CLUH: variants seen among roughly 807,000 people sequenced by gnomAD.
The protein encoded by CLUH is clustered mitochondria protein homolog.
A neutral mutation model predicts 139.3 loss-of-function variants in CLUH; 77 were observed. The observed-to-expected ratio is 0.55, with a 90% CI of 0.46 to 0.67. The LOEUF (loss-of-function observed/expected upper bound fraction) is 0.67, where lower values mean the gene tolerates loss of function less well. Among genes scored for constraint, CLUH ranks in the 30% least tolerant of loss-of-function variants. The probability of loss-of-function intolerance (pLI) is 0.00; values close to 1 mark genes in which losing one functional copy is unlikely to be tolerated. For missense variants in CLUH, 1,876 were observed against 1,875.8 expected (o/e 1.00, Z 0.00); for synonymous variants, 999 against 801.6 (o/e 1.25, Z -4.16).
chr17:2,691,933 CCCCGCGG>C, intron 23 of CLUH, 38 bp from the exon 24 acceptor site: 1 of 1,129,850 alleles, frequency 8.9e-7, no homozygotes, highest in South Asian at 2.5e-5. Flanking sequence ...CCCCCCGTGC[CCCCGCGG>C]CCCCGCCCCC....
At chr17:2,696,661 T>A in intron 11 of CLUH, 58 bp downstream of exon 11, 1 of 1,590,094 alleles carries the variant, frequency 6.3e-7, no homozygotes, top group Non-Finnish European at 8.6e-7. Flanking sequence ...GTGGGGGTCA[T>A]AAGCCACCCT....
At position 2,707,946 on chromosome 17, in the gene CLUH, C is replaced by G; in HGVS notation, c.101-3382G>C. 1.0e-6 allele frequency: 1 copy of G among 985,444 alleles called. No homozygotes were observed. The highest frequency in any genetic ancestry group is 1.2e-6 in the Non-Finnish European group (1 of 829,930). 61.0% of individuals were successfully genotyped at this position (985,444 alleles called of 1,614,324 possible). Reference sequence around the variant, plus strand: ...ACAACTGCACCCGTGCCCCTGGCCTCCAGGCTCCATCAAGAAGCTGGCAGG... The same window carrying G: ...ACAACTGCACCCGTGCCCCTGGCCTGCAGGCTCCATCAAGAAGCTGGCAGG... On this transcript the variant is annotated intron_variant, in intron 1 of 25. Transcript: ENST00000651024. This position sits in a 1 kb window ranked among gnomAD's most constrained non-coding sequence, Gnocchi z 7.4.
intron 1 of CLUH, among the ~76,000 whole-genome samples, chr17:2,709,794 C>T (rs1206914131): frequency 1.3e-5 from 2 of 152,046 alleles, no homozygotes; most frequent in African/African-American, 4.8e-5. Flanking sequence ...TTCATTAAGG[C>T]TCCTTCCTTC....
rs2069881458 is a variant in CLUH, at chr17:2,695,024, C to T, written c.2685G>A (p.Val895=). The part of the protein sequence containing the change: ...NCFLSSYPNP[V]AHLPADELVS... ...CCAGCTCGTCGGCGGGCAGGTGGGCCACGGGGTTTGGGTAGGAGCTCAGGA... is the reference window on the plus strand; with the variant it reads ...CCAGCTCGTCGGCGGGCAGGTGGGCTACGGGGTTTGGGTAGGAGCTCAGGA... The change falls in exon 16 of 26, where the codon GTG becomes GTA. Residue 895 remains valine, a synonymous_variant. Transcript: ENST00000651024. The T allele has an allele frequency of 1.2e-6, 2 of 1,613,566 alleles. No individual in the cohort carries two copies.
At chr17:2,697,235 T>G (rs1010634377) in intron 10 of CLUH, among the ~76,000 whole-genome samples, 2 of 151,876 alleles carry the variant, frequency 1.3e-5, no homozygotes, top group African/African-American at 4.8e-5. Flanking sequence ...CCGTCTCTAC[T>G]AAAAATACAA....
Position 2,701,648 on chromosome 17 carries a change from G to T in CLUH, c.709C>A (p.Leu237Met), listed in dbSNP as rs749387226. The T allele has an allele frequency of 5.6e-6, 9 of 1,605,332 alleles. No individual in the cohort carries two copies. The highest frequency in any genetic ancestry group is 7.7e-6 in the Non-Finnish European group (9 of 1,175,854). The change falls in exon 5 of 26, where the codon CTG (leucine) becomes ATG (methionine). Residue 237 changes from leucine (L) to methionine (M), a missense_variant. By Grantham distance (15) the Leu-to-Met change is conservative. Around this residue, in one of 3 missense-constraint regions of CLUH, gnomAD observed 270 missense variants for 354.7 expected, o/e 0.76. Coordinates refer to ENST00000651024, the MANE Select transcript of CLUH (RefSeq NM_001366661.1). ...CGGTTTTGGGGCTGCAGGGGACACA[G>T]TGGCCGCTCCCGGCTCCCTGGCAGG... is the stretch of plus-strand genomic sequence containing the variant. ...YILPGSRERP[L>M]CPLQPQNRDW...
chr17:2,705,670 C>T (rs2070329692), intron 1 of CLUH, among the ~76,000 whole-genome samples: 4 of 152,166 alleles, frequency 2.6e-5, no homozygotes, highest in Admixed American at 2.6e-4. Flanking sequence ...TCGGCTGCAC[C>T]CAGGGTGGCG....
At chr17:2,711,768 C>T (rs1051389063), upstream of CLUH, 16 of 341,048 alleles carry the variant, frequency 4.7e-5, no homozygotes, top group Non-Finnish European at 6.6e-5. Flanking sequence ...AGTCACCGGC[C>T]CACGTGGTGC....
intron 25 of CLUH, among the ~76,000 whole-genome samples, chr17:2,691,378 G>A (rs1362144170): frequency 6.6e-6 from 1 of 152,112 alleles, no homozygotes. Context: ...CCTGGTCAAC[G>A]TGGTGAAACC....
At chr17:2,711,156 C>G (rs1488740974) in intron 1 of CLUH, 1 of 152,262 alleles carries the variant, frequency 6.6e-6, no homozygotes, top group Non-Finnish European at 1.5e-5. Context: ...CGCCGCGGAG[C>G]AGGTGCCGAA....
Position 2,704,667 on chromosome 17 carries a change from C to A in CLUH, c.101-103G>T. ...CACGTGCCTTCTGGAAAGGCATCTG[C>A]ATGCCCTCGAGAGTCCCAGCCTCAC... is the stretch of plus-strand genomic sequence containing the variant. On this transcript the variant is annotated intron_variant, in intron 1 of 25. Coordinates refer to ENST00000651024, the MANE Select transcript of CLUH (RefSeq NM_001366661.1). The surrounding 1 kb of genome is among the most constrained non-coding windows in gnomAD (Gnocchi z 5.7). The A allele has an allele frequency of 8.7e-7, 1 of 1,143,066 alleles. No homozygotes were observed. The highest frequency in any genetic ancestry group is 1.2e-6 in the Non-Finnish European group (1 of 820,516). 70.8% of individuals were successfully genotyped at this position (1,143,066 alleles called of 1,614,324 possible).
rs372129901 is a variant in CLUH at position 2,701,866 on chromosome 17, G to A, written c.619+48C>T. ...GCCCCTTCTCCAGCCCCCCACCTCCGTGCTCCCCGCCCTTTGGCCCAATCC... is the reference window on the plus strand; with the variant it reads ...GCCCCTTCTCCAGCCCCCCACCTCCATGCTCCCCGCCCTTTGGCCCAATCC... On this transcript the variant is annotated intron_variant, in intron 4 of 25. Coordinates refer to ENST00000651024, the MANE Select transcript of CLUH (RefSeq NM_001366661.1). 148 of 1,608,878 alleles carry A rather than the reference G, an allele frequency of 9.2e-5. 2 individuals are homozygous for A. The African/African-American group carries it at 1.5e-3, about 16-fold the overall frequency.
rs1053623615 is a variant in CLUH at position 2,704,716 on chromosome 17, C to T, written c.101-152G>A. Among the ~76,000 whole-genome samples, 2 of 152,138 alleles carry T rather than the reference C, an allele frequency of 1.3e-5. No individual in the cohort carries two copies. The highest frequency in any genetic ancestry group is 6.5e-5 in the Admixed American group (1 of 15,282). On this transcript the variant is annotated intron_variant, in intron 1 of 25. Transcript: ENST00000651024. The surrounding 1 kb of genome is among the most constrained non-coding windows in gnomAD (Gnocchi z 5.7). ...ACGGTCGCGCCTCGCCCTCCGTGCA[C>T]CTGCAGGCCACTTCCACACCCAGCC... is the stretch of plus-strand genomic sequence containing the variant.
chr17:2,692,609 C>G lies in CLUH; in HGVS notation c.3400G>C (p.Val1134Leu). Reference protein sequence around the residue: ...LYRARYLMLLVFGEDHPEMAL... With the variant: ...LYRARYLMLLLFGEDHPEMAL... ...ATCTCGGGGTGGTCTTCCCCGAACA[C>G]CAGCAGCATGAGGTAGCGGGCGCGG... Residue 1134 changes from valine to leucine, a missense_variant, in exon 21 of 26, where the codon GTG (valine) becomes CTG (leucine). Val to Leu is a conservative substitution (Grantham distance 32). Coordinates refer to ENST00000651024, the MANE Select transcript of CLUH (RefSeq NM_001366661.1). The G allele has an allele frequency of 6.2e-7, 1 of 1,612,860 alleles. No homozygotes were observed. Among genetic ancestry groups the G allele is most frequent in the Non-Finnish European group, 8.5e-7 (1 of 1,179,608 alleles).
rs1183905943 is a variant in CLUH at position 2,701,275 on chromosome 17, G to A, written c.900-10C>T. The A allele has an allele frequency of 1.9e-6, 3 of 1,611,268 alleles. No individual in the cohort carries two copies. Among genetic ancestry groups the A allele is most frequent in the Non-Finnish European group, 2.5e-6 (3 of 1,178,730 alleles). ...GTGATAAGCTGTGGACCTGCAGGGAGAGGGCGGGCACTGAGCGGGGGCCCA... is the reference window on the plus strand; with the variant it reads ...GTGATAAGCTGTGGACCTGCAGGGAAAGGGCGGGCACTGAGCGGGGGCCCA... On this transcript the variant is annotated splice_polypyrimidine_tract_variant and intron_variant, in intron 6 of 25. Transcript: ENST00000651024.
At chr17:2,701,771 C>A in intron 4 of CLUH, 34 bp from the exon 5 acceptor site, 1 of 1,555,340 alleles carries the variant, frequency 6.4e-7, no homozygotes, top group Non-Finnish European at 8.7e-7. Flanking sequence ...CAGCACAGGG[C>A]CACCCAGGGC....
chr17:2,693,743 GAC>G (rs1256644383), intron 19 of CLUH, among the ~76,000 whole-genome samples, 155 bp downstream of exon 19: 2 of 152,190 alleles, frequency 1.3e-5, no homozygotes, highest in Non-Finnish European at 2.9e-5. Context: ...TCCCGCTCGG[GAC>G]ACAGTTACAG....
rs73976570 is a variant in CLUH at position 2,704,213 on chromosome 17, G to T, written c.303+149C>A. ...TGGGCTCGATTCCCACGTCCACCAC[G>T]CTAGCTGAGTGACTCTAGGGAGGGC... On this transcript the variant is annotated intron_variant, in intron 2 of 25. Transcript: ENST00000651024. The surrounding 1 kb of genome is among the most constrained non-coding windows in gnomAD (Gnocchi z 5.7). The T allele has an allele frequency of 4.6e-3, 3,812 of 826,038 alleles. 107 individuals are homozygous for T. In the African/African-American group the frequency reaches 0.059, roughly 13 times the overall value. 51.2% of individuals were successfully genotyped at this position (826,038 alleles called of 1,614,324 possible).
chr17:2,704,763 C>G lies in CLUH; in HGVS notation c.101-199G>C, dbSNP rs1388801400. On this transcript the variant is annotated intron_variant, in intron 1 of 25. Coordinates refer to ENST00000651024, the MANE Select transcript of CLUH (RefSeq NM_001366661.1). The surrounding 1 kb of genome is among the most constrained non-coding windows in gnomAD (Gnocchi z 5.7). ...AGCCGCCCCTCCCAGCCACTGTTCC[C>G]TGGCCCACTGTGGTATGGCTTGCAC... Among the ~76,000 whole-genome samples the G allele has an allele frequency of 6.6e-6, 1 of 152,136 alleles. No homozygotes were observed. The highest frequency in any genetic ancestry group is 1.5e-5 in the Non-Finnish European group (1 of 68,028).
Sources: gnomAD v4.1 joint callset for allele counts (sites outside exome capture counted in the v4.1 genomes callset) on GRCh38, gnomAD v4.1.1 for gene constraint, gnomAD v4.1.1 regional missense constraint, Gnocchi (gnomAD v3.1) non-coding constraint, MANE v1.5 for transcripts, NCBI Gene and HGNC (gene_info 2026-07-23, HGNC 2026-07-21) for gene names.